Variants in SLC12A6 observed in about 807,000 individuals in gnomAD.
SLC12A6 encodes the protein K-Cl cotransporter 3.
Under a neutral mutation model 135.3 loss-of-function variants are expected in SLC12A6, and 66 were observed. That is an observed-to-expected ratio of 0.49 (90% CI 0.40 to 0.60). The LOEUF is 0.60. Ranked by LOEUF, SLC12A6 falls within the 20% of genes least tolerant of loss-of-function variation. The pLI, the probability that SLC12A6 is intolerant of heterozygous loss-of-function variation, is 0.00. For synonymous variants in SLC12A6, 513 were observed against 508.8 expected, an observed-to-expected ratio of 1.01 and a Z score of -0.11; for missense variants, 1,058 against 1,452.3, an observed-to-expected ratio of 0.73 and a Z score of 4.41.
At chr15:34,243,303 G>T (rs917069267) in intron 16 of SLC12A6, among the ~76,000 whole-genome samples, 2 of 152,104 alleles carry the variant, frequency 1.3e-5, no homozygotes, top group Non-Finnish European at 2.9e-5. Flanking sequence ...GCCCACCATT[G>T]GTAAGTGAAG....
chr15:34,267,300 G>T (rs1224653840), intron 3 of SLC12A6, among the ~76,000 whole-genome samples: 2 of 149,938 alleles, frequency 1.3e-5, no homozygotes, highest in Non-Finnish European at 3.0e-5. Flanking sequence ...ACACTGATTT[G>T]AGTCGATGTA....
chr15:34,317,174 C>T (rs768464818), intron 2 of SLC12A6, among the ~76,000 whole-genome samples: 3 of 152,164 alleles, frequency 2.0e-5, no homozygotes, highest in Non-Finnish European at 2.9e-5. Flanking sequence ...TGAAAATAAC[C>T]TTGCGGACAA....
chr15:34,310,414 A>T (rs868379186), intron 2 of SLC12A6, among the ~76,000 whole-genome samples: 202 of 57,512 alleles, frequency 3.5e-3, no homozygotes, highest in African/African-American at 0.015. Flanking sequence ...CCTGGGCTCA[A>T]GTGTGTGTGT....
intron 2 of SLC12A6, among the ~76,000 whole-genome samples, chr15:34,276,370 TG>T: frequency 6.6e-6 from 1 of 152,340 alleles, no homozygotes; most frequent in East Asian, 1.9e-4. Context: ...CTGACTACAT[TG>T]GCTTTCATAA....
At chr15:34,234,839 C>G (rs1287743129) in intron 25 of SLC12A6, among the ~76,000 whole-genome samples, 1 of 152,136 alleles carries the variant, frequency 6.6e-6, no homozygotes, top group African/African-American at 2.4e-5. Context: ...TCCCCTAACT[C>G]TATCCAAAAG....
chr15:34,337,082 T>C lies in SLC12A6; in HGVS notation c.-73+250A>G, dbSNP rs141533243. 3,236 of 323,722 alleles carry C rather than the reference T, an allele frequency of 1.0e-2. 27 individuals are homozygous for C. The highest frequency in any genetic ancestry group is 0.02 in the Middle Eastern group (18 of 884). 20.1% of individuals were successfully genotyped at this position (323,722 alleles called of 1,614,324 possible). On this transcript the variant is annotated intron_variant, in intron 1 of 25. Transcript: ENST00000354181. ...AGCCCCCAGTTTCCTGTCGAGGTAGTCCTTTATCTGGTGAGTGTCCCACGG... is the reference window on the plus strand; with the variant it reads ...AGCCCCCAGTTTCCTGTCGAGGTAGCCCTTTATCTGGTGAGTGTCCCACGG...
rs1891904272 is a variant in SLC12A6 at position 34,245,274 on chromosome 15, C to G, written c.1943+11G>C. ...AAGCAAGAATAACTGAAGAGAATCA[C>G]TGGCTCTTACATGGAAAGAATTGGG... On this transcript the variant is annotated intron_variant, in intron 15 of 25. Coordinates refer to ENST00000354181, the MANE Select transcript of SLC12A6 (RefSeq NM_001365088.1). 7.6e-7 allele frequency: 1 copy of G among 1,319,362 alleles called. No homozygotes were observed. The highest frequency in any genetic ancestry group is 1.2e-5 in the South Asian group (1 of 85,140). The allele number at this position is 1,319,362 out of a possible 1,614,324, so 81.7% of individuals were successfully genotyped here. A position where few individuals can be genotyped will look rare whatever the true frequency, so the allele number is the denominator to read the frequency against.
At position 34,302,957 on chromosome 15, in the gene SLC12A6, CAAAAAAAAA is replaced by C. The variant is rs35647149; in HGVS notation, c.272-27577_272-27569del. ...AGACGGGAGAAGGGAGACCCTGTCT[CAAAAAAAAA>C]AAAAAAAAAAAAAAGATTATGTCAT... On this transcript the variant is annotated intron_variant, in intron 2 of 25. Transcript: ENST00000354181. Among the ~76,000 whole-genome samples, 3 of 83,322 alleles carry C rather than the reference CAAAAAAAAA, an allele frequency of 3.6e-5. No individual in the cohort carries two copies. The East Asian group carries it at 1.1e-3, about 29-fold the overall frequency. 54.7% of individuals were successfully genotyped at this position (83,322 alleles called of 152,430 possible). A position where few individuals can be genotyped will look rare whatever the true frequency, so the allele number is the denominator to read the frequency against.
intron 4 of SLC12A6, among the ~76,000 whole-genome samples, chr15:34,260,565 G>A (rs950967296): frequency 6.6e-6 from 1 of 152,170 alleles, no homozygotes; most frequent in Non-Finnish European, 1.5e-5. Context: ...GCCTTGTTTA[G>A]TTAGTTCTAA....
intron 2 of SLC12A6, among the ~76,000 whole-genome samples, chr15:34,293,776 T>G (rs955841181): frequency 1.3e-5 from 2 of 152,166 alleles, no homozygotes; most frequent in African/African-American, 4.8e-5. Flanking sequence ...ATTAAAAAAA[T>G]GTTTTTTTGT....
At chr15:34,234,223 A>G (rs1047332054) in intron 25 of SLC12A6, among the ~76,000 whole-genome samples, 2 of 152,214 alleles carry the variant, frequency 1.3e-5, no homozygotes, top group African/African-American at 4.8e-5. Flanking sequence ...GTTACTCTAA[A>G]TAAGATAAAA....
chr15:34,254,372 G>A lies in SLC12A6; in HGVS notation c.1094C>T (p.Ser365Phe), dbSNP rs1016606941. 1 of 1,613,730 alleles carries A rather than the reference G, an allele frequency of 6.2e-7. No homozygotes were observed. The highest frequency in any genetic ancestry group is 8.5e-7 in the Non-Finnish European group (1 of 1,179,628). Residue 365 changes from serine (S) to phenylalanine (F), a missense_variant, in exon 9 of 26, where the codon TCT becomes TTT. By Grantham distance (155) the Ser-to-Phe change is radical. Around this residue, in one of 6 missense-constraint regions of SLC12A6, gnomAD observed 297 missense variants for 318.5 expected, o/e 0.93. Coordinates refer to ENST00000354181, the MANE Select transcript of SLC12A6 (RefSeq NM_001365088.1). ...CGGGAAGTGTGGAGGAGCAAAAGAAGACTTGATGGCTCCAGCATAGATGGC... is the reference window on the plus strand; with the variant it reads ...CGGGAAGTGTGGAGGAGCAAAAGAAAACTTGATGGCTCCAGCATAGATGGC... ...ILAIYAGAIK[S>F]SFAPPHFPVC...
At chr15:34,251,285 G>C (rs1320218133) in intron 10 of SLC12A6, among the ~76,000 whole-genome samples, 1 of 151,598 alleles carries the variant, frequency 6.6e-6, no homozygotes, top group Non-Finnish European at 1.5e-5. Context: ...GTTTTACTCT[G>C]TCACCAGGCT....
At chr15:34,247,994 C>G (rs992921392) in intron 13 of SLC12A6, among the ~76,000 whole-genome samples, 1 of 152,202 alleles carries the variant, frequency 6.6e-6, no homozygotes, top group Non-Finnish European at 1.5e-5. Context: ...CATGAGCCAC[C>G]ATACCCAGCC....
rs191687912 is a variant in SLC12A6, at chr15:34,324,402, T to G, written c.271+12008A>C. ...ATAGTGCTTTATATATTAGGCCAAA[T>G]CTTACACATATTGTATTTATGTTAT... is the stretch of plus-strand genomic sequence containing the variant. On this transcript the variant is annotated intron_variant, in intron 2 of 25. Coordinates refer to ENST00000354181, the MANE Select transcript of SLC12A6 (RefSeq NM_001365088.1). Among the ~76,000 whole-genome samples the G allele has an allele frequency of 4.0e-3, 606 of 152,326 alleles. 2 individuals carry two copies. Among genetic ancestry groups the G allele is most frequent in the Non-Finnish European group, 6.3e-3 (427 of 68,022 alleles).
chr15:34,261,105 G>A (rs1355290473), intron 3 of SLC12A6, 85 bp from the exon 4 acceptor site: 4 of 776,960 alleles, frequency 5.1e-6, no homozygotes, highest in East Asian at 2.5e-5. Flanking sequence ...AGGTTGCTTC[G>A]GTATTAATAT....
chr15:34,249,930 G>T (rs1892269464), intron 13 of SLC12A6, among the ~76,000 whole-genome samples: 1 of 151,990 alleles, frequency 6.6e-6, no homozygotes, highest in Admixed American at 6.5e-5. Context: ...TTTGAGAAAG[G>T]GTCTCACTTT....
intron 2 of SLC12A6, among the ~76,000 whole-genome samples, chr15:34,278,338 GAT>G (rs1204549677): frequency 6.6e-6 from 1 of 151,984 alleles, no homozygotes; most frequent in African/African-American, 2.4e-5. Flanking sequence ...GAGACAGGAG[GAT>G]GGCTTGAACC....
At chr15:34,308,630 C>CA (rs536506096) in intron 2 of SLC12A6, among the ~76,000 whole-genome samples, 1,321 of 63,156 alleles carry the variant, frequency 0.021, 36 homozygotes, top group African/African-American at 0.039. Context: ...GTCCACCTGA[C>CA]AAAAAAAAAA....
Sources: allele counts gnomAD v4.1 joint callset (sites outside exome capture counted in the v4.1 genomes callset), GRCh38; gene constraint gnomAD v4.1.1; regional missense constraint gnomAD v4.1.1; transcripts MANE v1.5; gene names NCBI Gene and HGNC (gene_info 2026-07-23, HGNC 2026-07-21).